XKR6: variants seen among roughly 807,000 people sequenced by gnomAD.
XKR6 encodes XK related 6.
A neutral mutation model predicts 56.7 loss-of-function variants in XKR6; 22 were observed. That is an observed-to-expected ratio of 0.39 (90% CI 0.28 to 0.55). The LOEUF is 0.55. Among genes scored for constraint, XKR6 ranks in the 20% least tolerant of loss-of-function variants. XKR6 has a pLI of 0.66. For missense variants in XKR6, 852 were observed against 889.0 expected (o/e 0.96, Z 0.53); for synonymous variants, 524 against 387.8 (o/e 1.35, Z -4.13).
At chr8:11,087,744 G>T (rs1170749961) in intron 1 of XKR6, among the ~76,000 whole-genome samples, 1 of 152,208 alleles carries the variant, frequency 6.6e-6, no homozygotes, top group Non-Finnish European at 1.5e-5. Flanking sequence ...GCAACTTCCT[G>T]GGGAGAGCCC....
intron 2 of XKR6, among the ~76,000 whole-genome samples, chr8:10,908,971 C>T (rs1800266252): frequency 1.3e-5 from 2 of 152,142 alleles, no homozygotes; most frequent in African/African-American, 4.8e-5. Context: ...TTGAGACTAG[C>T]CTAGCCAACA....
intron 1 of XKR6, among the ~76,000 whole-genome samples, chr8:11,024,923 A>G (rs57462408): frequency 0.21 from 31,273 of 152,202 alleles, 3,520 homozygotes; most frequent in African/African-American, 0.29. Context: ...TGGCCTGGCC[A>G]CACACTCACC....
intron 1 of XKR6, among the ~76,000 whole-genome samples, chr8:11,009,945 G>C (rs543179437): frequency 2.6e-5 from 4 of 152,270 alleles, no homozygotes; most frequent in Admixed American, 1.3e-4. Flanking sequence ...CTAAATTAAA[G>C]TGTTTATCAA....
At chr8:11,116,723 G>C (rs956983024) in intron 1 of XKR6, among the ~76,000 whole-genome samples, 3 of 152,056 alleles carry the variant, frequency 2.0e-5, no homozygotes, top group African/African-American at 7.2e-5. Flanking sequence ...GGTTTCATTC[G>C]CCTCCCGAAC....
At chr8:10,927,524 T>C (rs1342526284) in intron 1 of XKR6, among the ~76,000 whole-genome samples, 1 of 152,148 alleles carries the variant, frequency 6.6e-6, no homozygotes, top group Non-Finnish European at 1.5e-5. Flanking sequence ...AACGGTTATA[T>C]GGCAGCACTA....
chr8:11,033,871 G>T (rs1330475737), intron 1 of XKR6, among the ~76,000 whole-genome samples: 1 of 152,140 alleles, frequency 6.6e-6, no homozygotes, highest in Non-Finnish European at 1.5e-5. Flanking sequence ...ACTAGACATG[G>T]AGAGCCACCC....
intron 1 of XKR6, among the ~76,000 whole-genome samples, chr8:11,154,091 A>G (rs1801390222): frequency 6.6e-6 from 1 of 152,166 alleles, no homozygotes; most frequent in Non-Finnish European, 1.5e-5. Context: ...AGTGGGAGGT[A>G]ATCTGTGTCA....
chr8:11,137,618 C>A (rs1311830176), intron 1 of XKR6: 2 of 456,140 alleles, frequency 4.4e-6, no homozygotes, highest in Admixed American at 4.7e-5. Flanking sequence ...ACCAAATGAA[C>A]TCAGGAGACA....
intron 1 of XKR6, among the ~76,000 whole-genome samples, chr8:11,085,812 C>T (rs1345347383): frequency 6.6e-6 from 1 of 152,162 alleles, no homozygotes; most frequent in Non-Finnish European, 1.5e-5. Flanking sequence ...TACCCCAGCT[C>T]GAAGCCACTG....
At chr8:11,105,822 T>C (rs972292697) in intron 1 of XKR6, 11 of 152,222 alleles carry the variant, frequency 7.2e-5, no homozygotes, top group African/African-American at 1.9e-4. Context: ...GGGAAATACA[T>C]GGACCCTGTT....
In XKR6 at chr8:11,024,204, G is replaced by GGGGTGT. The variant is rs1260231733; in HGVS notation, c.765-99375_765-99374insACACCC. Among the ~76,000 whole-genome samples the GGGGTGT allele has an allele frequency of 4.6e-3, 624 of 136,898 alleles. 10 individuals are homozygous for GGGGTGT. Among genetic ancestry groups the GGGGTGT allele is most frequent in the Middle Eastern group, 0.029 (8 of 274 alleles). 89.8% of individuals were successfully genotyped at this position (136,898 alleles called of 152,430 possible). On this transcript the variant is annotated intron_variant, in intron 1 of 2. Transcript: ENST00000416569. ...GTTGCAGACAACATACCTGTTAGGA[G>GGGGTGT]GTGTGTGTGTGTGTGTGTGTGTGTG...
intron 1 of XKR6, chr8:11,106,257 A>T (rs776645451): frequency 1.3e-5 from 2 of 152,178 alleles, no homozygotes; most frequent in African/African-American, 4.8e-5. Flanking sequence ...TCTTGCTTTC[A>T]AAATCTTATT....
At chr8:11,163,609 A>C (rs769957855) in intron 1 of XKR6, among the ~76,000 whole-genome samples, 1 of 152,232 alleles carries the variant, frequency 6.6e-6, no homozygotes, top group Admixed American at 6.5e-5. Flanking sequence ...CAAAATATGC[A>C]CTGAATGTGG....
chr8:11,095,071 T>A (rs572731220), intron 1 of XKR6, among the ~76,000 whole-genome samples: 1 of 152,192 alleles, frequency 6.6e-6, no homozygotes, highest in Non-Finnish European at 1.5e-5. Context: ...AGTAGGCTGA[T>A]ACAAAGGCAA....
chr8:10,998,971 T>C (rs1798178529), intron 1 of XKR6, among the ~76,000 whole-genome samples: 1 of 152,212 alleles, frequency 6.6e-6, no homozygotes, highest in African/African-American at 2.4e-5. Flanking sequence ...AAGTCTCAGA[T>C]TCCCATCAGG....
At chr8:11,054,122 G>C (rs1327678758) in intron 1 of XKR6, among the ~76,000 whole-genome samples, 2 of 152,238 alleles carry the variant, frequency 1.3e-5, no homozygotes, top group African/African-American at 4.8e-5. Flanking sequence ...AGCATGCACT[G>C]TCATGGTTGC....
intron 1 of XKR6, among the ~76,000 whole-genome samples, chr8:10,993,722 T>TGACTTCTGACCCACTC (rs1392411636): frequency 2.3e-4 from 35 of 152,316 alleles, no homozygotes; most frequent in African/African-American, 8.4e-4. Context: ...CCAGCCCACT[T>TGACTTCTGACCCACTC]GACTTCTGAC....
chr8:11,107,938 C>A (rs1554459998), intron 1 of XKR6: 4 of 268,684 alleles, frequency 1.5e-5, no homozygotes, highest in East Asian at 1.2e-4. Flanking sequence ...GCATGTGCGG[C>A]GGCACCACTC....
intron 1 of XKR6, among the ~76,000 whole-genome samples, chr8:10,997,942 G>C (rs1017099635): frequency 2.6e-5 from 4 of 152,138 alleles, no homozygotes; most frequent in Admixed American, 2.6e-4. Flanking sequence ...ATCACAGGAT[G>C]CTTCCCATAG....
Sources: gnomAD v4.1 joint callset for allele counts (sites outside exome capture counted in the v4.1 genomes callset) on GRCh38, gnomAD v4.1.1 for gene constraint, MANE v1.5 for transcripts, NCBI Gene and HGNC (gene_info 2026-07-23, HGNC 2026-07-21) for gene names.